CPT1C: variants seen among roughly 807,000 people sequenced by gnomAD.
CPT1C encodes the protein palmitoyl thioesterase CPT1C.
In CPT1C, 61 loss-of-function variants were observed where a neutral mutation model predicts 97.3. The ratio of observed to expected loss-of-function variants is 0.63; its 90% CI spans 0.51 to 0.78. The LOEUF is 0.78. CPT1C is among the 30% of genes least tolerant of loss of function. CPT1C has a pLI of 0.00. For missense variants in CPT1C, 975 were observed against 1,065.5 expected, an observed-to-expected ratio of 0.92 and a Z score of 1.18; for synonymous variants, 469 against 447.2, an observed-to-expected ratio of 1.05 and a Z score of -0.61.
In CPT1C at chr19:49,713,130, C is replaced by T. The variant is rs371627173; in HGVS notation, c.2226+66C>T. ...AGGAACCAGGAGTCTGGGCCCCCAG[C>T]CCCTCCTCCCTCAGACCCAGGATTC... On this transcript the variant is annotated intron_variant, in intron 19 of 19. Coordinates refer to ENST00000598293, the MANE Select transcript of CPT1C (RefSeq NM_001199753.2). The T allele has an allele frequency of 2.9e-4, 399 of 1,379,350 alleles. 2 individuals are homozygous for T. In the East Asian group the frequency reaches 7.9e-3, roughly 27 times the overall value. 85.4% of individuals were successfully genotyped at this position (1,379,350 alleles called of 1,614,324 possible).
At chr19:49,692,541 C>T in intron 3 of CPT1C, 148 bp downstream of exon 3, 1 of 1,017,796 alleles carries the variant, frequency 9.8e-7, no homozygotes, top group South Asian at 1.7e-5. Flanking sequence ...CTCCCAGGAC[C>T]CCTTTAGCAA....
chr19:49,712,545 C>T (rs2083963914), intron 17 of CPT1C, 191 bp from the exon 18 acceptor site: 2 of 588,602 alleles, frequency 3.4e-6, no homozygotes, highest in Non-Finnish European at 6.1e-6. Flanking sequence ...AGGAGAGGGA[C>T]GTGGGTGTGG....
chr19:49,705,461 A>G (rs546166343), intron 10 of CPT1C, among the ~76,000 whole-genome samples, 163 bp downstream of exon 10: 2 of 152,192 alleles, frequency 1.3e-5, no homozygotes, highest in South Asian at 4.1e-4. Context: ...CTAAAGTGGG[A>G]TAATAATTGT....
At chr19:49,692,517 A>T in intron 3 of CPT1C, 124 bp downstream of exon 3, 1 of 1,209,184 alleles carries the variant, frequency 8.3e-7, no homozygotes, top group Non-Finnish European at 1.1e-6. Context: ...TTTTTCTTAG[A>T]ATTTTGATGT....
intron 17 of CPT1C, 90 bp downstream of exon 17, chr19:49,712,051 G>A: frequency 1.3e-6 from 2 of 1,492,694 alleles, no homozygotes; most frequent in South Asian, 2.5e-5. Context: ...GTTGAAAAAG[G>A]ACCCATCAAG....
chr19:49,691,535 C>A (rs1490935473), intron 1 of CPT1C, 195 bp downstream of exon 1: 1 of 152,126 alleles, frequency 6.6e-6, no homozygotes, highest in African/African-American at 2.4e-5. Flanking sequence ...GGAGGGGACG[C>A]TGAGCGGATG....
At chr19:49,703,500 C>CTCTT (rs34556306) in intron 7 of CPT1C, among the ~76,000 whole-genome samples, 16,974 of 147,382 alleles carry the variant, frequency 0.12, 1,277 homozygotes, top group Non-Finnish European at 0.17. Context: ...CATGCCCGGC[C>CTCTT]TCTTTCTTTC....
rs750128862 is a variant in CPT1C, at chr19:49,706,058, G to C, written c.1114G>C (p.Ala372Pro). The change falls in exon 11 of 20, where the codon GCC becomes CCC. Residue 372 changes from alanine to proline, a missense_variant. By Grantham distance (27) the Ala-to-Pro change is conservative. Around this residue, in one of 3 missense-constraint regions of CPT1C, gnomAD observed 596 missense variants for 603.1 expected, o/e 0.99. Coordinates refer to ENST00000598293, the MANE Select transcript of CPT1C (RefSeq NM_001199753.2). The surrounding 1 kb of genome is among the most constrained non-coding windows in gnomAD (Gnocchi z 4.8). ...FQRILDDPSP[A>P]CPHEEHLAAL... The stretch of plus-strand genomic sequence containing the variant: ...GAGAATCCTGGATGATCCCTCACCG[G>C]CCTGCCCCCACGAGGAACATCTGGC... The C allele has an allele frequency of 6.2e-7, 1 of 1,613,806 alleles. No individual in the cohort carries two copies. Among genetic ancestry groups the C allele is most frequent in the South Asian group, 1.1e-5 (1 of 91,054 alleles).
chr19:49,691,398 G>C (rs2082337991), intron 1 of CPT1C, 58 bp downstream of exon 1: 1 of 152,098 alleles, frequency 6.6e-6, no homozygotes, highest in African/African-American at 2.4e-5. Flanking sequence ...CTGTGTCTAG[G>C]GTTGGGCGTG....
chr19:49,702,696 G>A (rs539467263), intron 7 of CPT1C, among the ~76,000 whole-genome samples: 19 of 152,028 alleles, frequency 1.2e-4, no homozygotes, highest in Non-Finnish European at 2.6e-4. Context: ...GGAGAGGCCT[G>A]AACTCCAGAC....
rs2083131159 is a variant in CPT1C at position 49,701,993 on chromosome 19, T to TAAA, written c.693+359_693+360insAAA. 7.8e-5 allele frequency among the ~76,000 whole-genome samples: 4 copies of TAAA among 51,110 alleles called. 1 individual carries two copies. Among genetic ancestry groups the TAAA allele is most frequent in the African/African-American group, 1.9e-4 (3 of 15,966 alleles). The allele number at this position is 51,110 out of a possible 152,430, so 33.5% of individuals were successfully genotyped here. A position where few individuals can be genotyped will look rare whatever the true frequency, so the allele number is the denominator to read the frequency against. On this transcript the variant is annotated intron_variant, in intron 7 of 19. Coordinates refer to ENST00000598293, the MANE Select transcript of CPT1C (RefSeq NM_001199753.2). ...AAATTTATAAATAAATATATAAATA[T>TAAA]TATAAATATATTAAATATATTTATT... is the stretch of plus-strand genomic sequence containing the variant.
In CPT1C at chr19:49,695,772, G is replaced by A. The variant is rs540451315; in HGVS notation, c.142-1554G>A. On this transcript the variant is annotated intron_variant, in intron 3 of 19. Coordinates refer to ENST00000598293, the MANE Select transcript of CPT1C (RefSeq NM_001199753.2). Reference sequence around the variant, plus strand: ...CTAATTTTGTATTTTTAGTAGAGACGGGGTTTCACCATGTTGGCCAGGATG... The same window carrying A: ...CTAATTTTGTATTTTTAGTAGAGACAGGGTTTCACCATGTTGGCCAGGATG... Among the ~76,000 whole-genome samples, 13 of 150,754 alleles carry A rather than the reference G, an allele frequency of 8.6e-5. No individual in the cohort carries two copies. The South Asian group carries it at 1.9e-3, about 22-fold the overall frequency.
At chr19:49,709,135 C>G in intron 14 of CPT1C, among the ~76,000 whole-genome samples, 1 of 151,532 alleles carries the variant, frequency 6.6e-6, no homozygotes, top group East Asian at 1.9e-4. Context: ...AACCCCAGCA[C>G]CAACCCCTAC....
intron 10 of CPT1C, 42 bp downstream of exon 10, chr19:49,705,340 A>G (rs766011884): frequency 6.7e-7 from 1 of 1,490,900 alleles, no homozygotes; most frequent in Non-Finnish European, 9.1e-7. Context: ...GCAGAACAAT[A>G]TAGTGGCTAA....
At chr19:49,693,076 C>T (rs1265000586) in intron 3 of CPT1C, among the ~76,000 whole-genome samples, 1 of 152,066 alleles carries the variant, frequency 6.6e-6, no homozygotes, top group African/African-American at 2.4e-5. Flanking sequence ...TTAGTAGAGA[C>T]GGGGTTTCAA....
rs374324489 is a variant in CPT1C at position 49,704,294 on chromosome 19, A to G, written c.694-416A>G. Among the ~76,000 whole-genome samples, 3 of 152,044 alleles carry G rather than the reference A, an allele frequency of 2.0e-5. No homozygotes were observed. The South Asian group carries it at 6.2e-4, about 32-fold the overall frequency. ...TCAAGCGATTCTCCTGCCTCAGGCT[A>G]CCGAGTAGCCGGGATTACAGGCGTG... On this transcript the variant is annotated intron_variant, in intron 7 of 19. Coordinates refer to ENST00000598293, the MANE Select transcript of CPT1C (RefSeq NM_001199753.2).
At position 49,710,857 on chromosome 19, in the gene CPT1C, G is replaced by T. The variant is rs763249258; in HGVS notation, c.1866G>T (p.Thr622=). ...FVRAMEDKEK[T]DPQCLALFRV... ...GGGCCATGGAGGACAAAGAGAAGAC[G>T]GTGGGTGCAGCCCTCGCTTGAGGCT... Residue 622 remains threonine, a splice_region_variant and synonymous_variant, in exon 16 of 20, where the codon ACG becomes ACT. Transcript: ENST00000598293. 1 of 1,610,414 alleles carries T rather than the reference G, an allele frequency of 6.2e-7. No homozygotes were observed. The highest frequency in any genetic ancestry group is 1.3e-5 in the African/African-American group (1 of 74,862).
rs1444798375 is a variant in CPT1C at position 49,705,920 on chromosome 19, C to T, written c.976C>T (p.His326Tyr). The change falls in exon 11 of 20, where the codon CAC becomes TAC. Residue 326 changes from histidine to tyrosine, a missense_variant. By Grantham distance (83) the His-to-Tyr change is moderately conservative. Around this residue, in one of 3 missense-constraint regions of CPT1C, gnomAD observed 596 missense variants for 603.1 expected, o/e 0.99. Coordinates refer to ENST00000598293, the MANE Select transcript of CPT1C (RefSeq NM_001199753.2). ...AACGCCACCCCTAGACTACATCCGC[C>T]ACCTCCATGACAGCCAACACGTGGC... The part of the protein sequence containing the change: ...IPGVQKDYIR[H>Y]LHDSQHVAVF... 2 of 1,613,316 alleles carry T rather than the reference C, an allele frequency of 1.2e-6. No individual in the cohort carries two copies. The highest frequency in any genetic ancestry group is 1.7e-6 in the Non-Finnish European group (2 of 1,179,700).
chr19:49,713,632 C>G lies in CPT1C; in HGVS notation c.*27C>G. ...TCCTTCCAGCAGGCAGCTGGCCTCT[C>G]CAAGGAATAAGGGTGAAATTGCCAC... is the stretch of plus-strand genomic sequence containing the variant. On this transcript the variant is annotated 3_prime_UTR_variant, in exon 20 of 20. Transcript: ENST00000598293. The G allele has an allele frequency of 6.3e-7, 1 of 1,589,166 alleles. No individual in the cohort carries two copies. The highest frequency in any genetic ancestry group is 1.8e-5 in the Admixed American group (1 of 57,060).
Sources: gnomAD v4.1 joint callset for allele counts (sites outside exome capture counted in the v4.1 genomes callset) on GRCh38, gnomAD v4.1.1 for gene constraint, gnomAD v4.1.1 regional missense constraint, Gnocchi (gnomAD v3.1) non-coding constraint, MANE v1.5 for transcripts, NCBI Gene and HGNC (gene_info 2026-07-23, HGNC 2026-07-21) for gene names.